MROH1: variants seen among roughly 807,000 people sequenced by gnomAD.
The protein encoded by MROH1 is maestro heat-like repeat-containing protein family member 1.
Under a neutral mutation model 116.5 loss-of-function variants are expected in MROH1, and 117 were observed. The observed-to-expected ratio is 1.00, with a 90% CI of 0.86 to 1.17. The LOEUF (loss-of-function observed/expected upper bound fraction) is 1.17. Among genes scored for constraint, MROH1 ranks in the 50% most tolerant of loss-of-function variants. The probability of loss-of-function intolerance (pLI) is 0.00; values close to 1 mark genes in which losing one functional copy is unlikely to be tolerated. For synonymous variants in MROH1, 921 were observed against 583.9 expected, an observed-to-expected ratio of 1.58 and a Z score of -8.32; for missense variants, 1,873 against 1,338.5, an observed-to-expected ratio of 1.40 and a Z score of -6.23.
intron 4 of MROH1, among the ~76,000 whole-genome samples, chr8:144,176,810 C>T (rs1416607171): frequency 2.1e-5 from 3 of 140,686 alleles, no homozygotes; most frequent in African/African-American, 2.6e-5. Context: ...GCCTGCGCGA[C>T]GAGTGAGACT....
chr8:144,154,790 A>G lies in MROH1; in HGVS notation c.-176-6180A>G, dbSNP rs1405930231. Among the ~76,000 whole-genome samples the G allele has an allele frequency of 4.1e-5, 6 of 146,680 alleles. No individual in the cohort carries two copies. In the East Asian group the frequency reaches 6.0e-4, roughly 15 times the overall value. On this transcript the variant is annotated intron_variant, in intron 1 of 43. Transcript: ENST00000326134. ...TCAAGCAATTCTGCCTCAGCCTCCC[A>G]AGTAGCTGGGATTACAGGCATGCGC...
intron 14 of MROH1, among the ~76,000 whole-genome samples, chr8:144,228,449 G>A (rs1481179255): frequency 6.6e-6 from 1 of 152,072 alleles, no homozygotes; most frequent in Non-Finnish European, 1.5e-5. Context: ...GGTTGCTGAA[G>A]GTTAGGGTGG....
intron 12 of MROH1, 65 bp downstream of exon 12, chr8:144,200,606 C>A: frequency 1.8e-6 from 2 of 1,106,358 alleles, no homozygotes; most frequent in Non-Finnish European, 2.7e-6. Context: ...CAGGTCCTGG[C>A]AGATTGTGTC....
intron 11 of MROH1, among the ~76,000 whole-genome samples, 165 bp from the exon 12 acceptor site, chr8:144,200,263 A>G (rs1198658257): frequency 1.3e-5 from 2 of 152,166 alleles, no homozygotes; most frequent in Non-Finnish European, 2.9e-5. Context: ...ACCCTGCCTT[A>G]GACAGGGGCA....
At chr8:144,246,581 G>T (rs1244759971) in intron 29 of MROH1, among the ~76,000 whole-genome samples, 1 of 152,148 alleles carries the variant, frequency 6.6e-6, no homozygotes, top group East Asian at 1.9e-4. Context: ...ACAATGGCTG[G>T]TCACCCTGCA....
At position 144,239,004 on chromosome 8, in the gene MROH1, C is replaced by T. The variant is rs1041997915; in HGVS notation, c.1447-31C>T. 166 of 775,736 alleles carry T rather than the reference C, an allele frequency of 2.1e-4. No homozygotes were observed. In the African/African-American group the frequency reaches 2.3e-3, roughly 11 times the overall value. 48.1% of individuals were successfully genotyped at this position (775,736 alleles called of 1,614,324 possible). On this transcript the variant is annotated intron_variant, in intron 15 of 43. Transcript: ENST00000326134. ...TGTCTGCATGGGACCGCCCTCTGGG[C>T]GGATGCAGACCAGGCCCTCTGCTCC...
At chr8:144,252,903 C>A (rs1843074959) in intron 33 of MROH1, among the ~76,000 whole-genome samples, 2 of 150,918 alleles carry the variant, frequency 1.3e-5, no homozygotes, top group Non-Finnish European at 3.0e-5. Flanking sequence ...ATGCAGTGAG[C>A]CATGATTGGG....
At position 144,192,406 on chromosome 8, in the gene MROH1, G is replaced by T; in HGVS notation, c.948+5G>T. On this transcript the variant is annotated splice_donor_5th_base_variant and intron_variant, in intron 10 of 43. Transcript: ENST00000326134. ...TTGGCTGCACTGCACTCCCAGGTAG[G>T]AGGCGGGCGTCAGGGGGCGGGTCCA... 2 of 1,582,126 alleles carry T rather than the reference G, an allele frequency of 1.3e-6. No homozygotes were observed. The highest frequency in any genetic ancestry group is 8.6e-7 in the Non-Finnish European group (1 of 1,169,046).
intron 12 of MROH1, among the ~76,000 whole-genome samples, chr8:144,207,892 T>C (rs1833192842): frequency 6.6e-6 from 1 of 152,140 alleles, no homozygotes; most frequent in Admixed American, 6.6e-5. Context: ...CATCTTTTAC[T>C]AATGTTTGGG....
chr8:144,242,542 C>T lies in MROH1; in HGVS notation c.2325+27C>T. The stretch of plus-strand genomic sequence containing the variant: ...TGGGCACTGCGGTGGGCCTGCCACG[C>T]AGGGGAGCTGGGGCTGCCGGGGAGT... On this transcript the variant is annotated intron_variant, in intron 23 of 43. Coordinates refer to ENST00000326134, the MANE Select transcript of MROH1 (RefSeq NM_032450.3). 3.8e-6 allele frequency: 3 copies of T among 780,506 alleles called. No homozygotes were observed. The South Asian group carries it at 4.0e-5, about 10-fold the overall frequency. 48.3% of individuals were successfully genotyped at this position (780,506 alleles called of 1,614,324 possible). A position where few individuals can be genotyped will look rare whatever the true frequency, so the allele number is the denominator to read the frequency against.
Position 144,163,871 on chromosome 8 carries a change from T to A in MROH1, c.22+23T>A. 6.2e-7 allele frequency: 1 copy of A among 1,611,954 alleles called. No homozygotes were observed. The highest frequency in any genetic ancestry group is 8.5e-7 in the Non-Finnish European group (1 of 1,178,922). On this transcript the variant is annotated intron_variant, in intron 3 of 43. Transcript: ENST00000326134. The surrounding 1 kb of genome is among the most constrained non-coding windows in gnomAD (Gnocchi z 4.4). The stretch of plus-strand genomic sequence containing the variant: ...AGAGTGAGTGCATGGGGATTGGGAG[T>A]GGCCGGGTGTGAGGCCTCTCTTGCC...
rs1445787481 is a variant in MROH1 at position 144,241,741 on chromosome 8, G to A, written c.2178+224G>A. Reference sequence around the variant, plus strand: ...CAAACGTAGCTGTGGCCAGGGCCACGTCTCTGCCAGGTGTGGGTGATGAGA... The same window carrying A: ...CAAACGTAGCTGTGGCCAGGGCCACATCTCTGCCAGGTGTGGGTGATGAGA... On this transcript the variant is annotated intron_variant, in intron 22 of 43. Transcript: ENST00000326134. 3.3e-5 allele frequency among the ~76,000 whole-genome samples: 5 copies of A among 152,362 alleles called. No individual in the cohort carries two copies. In the South Asian group the frequency reaches 8.3e-4, roughly 25 times the overall value.
At chr8:144,224,655 G>A (rs1588316622) in intron 14 of MROH1, among the ~76,000 whole-genome samples, 1 of 152,180 alleles carries the variant, frequency 6.6e-6, no homozygotes, top group East Asian at 1.9e-4. Context: ...TCAGTGTATC[G>A]ACCTTTCTAC....
In MROH1 at chr8:144,223,091, A is replaced by G. The variant is rs746822782; in HGVS notation, c.1216-17A>G. The G allele has an allele frequency of 5.0e-6, 8 of 1,612,848 alleles. No homozygotes were observed. The South Asian group carries it at 6.6e-5, about 13-fold the overall frequency. On this transcript the variant is annotated splice_polypyrimidine_tract_variant and intron_variant, in intron 13 of 43. Coordinates refer to ENST00000326134, the MANE Select transcript of MROH1 (RefSeq NM_032450.3). ...CTCTGCGTCCCCTTCCTGATCTCCCATTTGTTCTCTGGGCAGGTGAAGCGG... is the reference window on the plus strand; with the variant it reads ...CTCTGCGTCCCCTTCCTGATCTCCCGTTTGTTCTCTGGGCAGGTGAAGCGG...
chr8:144,177,343 A>G (rs1013072213), intron 4 of MROH1, among the ~76,000 whole-genome samples: 1 of 152,242 alleles, frequency 6.6e-6, no homozygotes, highest in African/African-American at 2.4e-5. Flanking sequence ...GCACTGCTGC[A>G]TGCCAGGGCC....
At position 144,261,752 on chromosome 8, in the gene MROH1, G is replaced by A. The variant is rs1470707769; in HGVS notation, c.*12G>A. The A allele has an allele frequency of 5.7e-6, 4 of 706,004 alleles. No individual in the cohort carries two copies. In the African/African-American group the frequency reaches 7.0e-5, roughly 12 times the overall value. 43.7% of individuals were successfully genotyped at this position (706,004 alleles called of 1,614,324 possible). On this transcript the variant is annotated 3_prime_UTR_variant, in exon 44 of 44. Transcript: ENST00000326134. Reference sequence around the variant, plus strand: ...TGAAGCTCGCCTAAGGCTCCGGCCAGCACCCCCAGCGAGGAGTATGCACCC... The same window carrying A: ...TGAAGCTCGCCTAAGGCTCCGGCCAACACCCCCAGCGAGGAGTATGCACCC...
rs372732995 is a variant in MROH1 at position 144,223,221 on chromosome 8, C to T, written c.1329C>T (p.Pro443=). 3.0e-5 allele frequency: 48 copies of T among 1,603,744 alleles called. No individual in the cohort carries two copies. The highest frequency in any genetic ancestry group is 1.3e-4 in the African/African-American group (10 of 74,844). ...TCGTGCAGCAGTGCGCGCTGCCCCCCGAGCAGGAGGTAAGGGGCTGCCACC... is the reference window on the plus strand; with the variant it reads ...TCGTGCAGCAGTGCGCGCTGCCCCCTGAGCAGGAGGTAAGGGGCTGCCACC... The part of the protein sequence containing the change: ...EYIVQQCALP[P]EQEPEKPGPG... The change falls in exon 14 of 44, where the codon CCC becomes CCT. Residue 443 remains proline (P), a synonymous_variant. Coordinates refer to ENST00000326134, the MANE Select transcript of MROH1 (RefSeq NM_032450.3).
chr8:144,241,241 G>C, intron 21 of MROH1, 130 bp downstream of exon 21: 1 of 690,648 alleles, frequency 1.4e-6, no homozygotes, highest in African/African-American at 1.8e-5. Context: ...GGTGGTGTGC[G>C]TATATGCAGA....
chr8:144,242,841 C>T (rs1841246038), intron 24 of MROH1, among the ~76,000 whole-genome samples: 1 of 152,214 alleles, frequency 6.6e-6, no homozygotes. Context: ...GGCGTCTGCG[C>T]CTCCGAGGGG....
Sources: gnomAD v4.1 joint callset for allele counts (sites outside exome capture counted in the v4.1 genomes callset) on GRCh38, gnomAD v4.1.1 for gene constraint, Gnocchi (gnomAD v3.1) non-coding constraint, MANE v1.5 for transcripts, NCBI Gene and HGNC (gene_info 2026-07-23, HGNC 2026-07-21) for gene names.